KDSR: variants seen among roughly 807,000 people sequenced by gnomAD.
KDSR encodes the protein 3-dehydrosphinganine reductase.
A neutral mutation model predicts 41.3 loss-of-function variants in KDSR; 23 were observed. That is an observed-to-expected ratio of 0.56 (90% CI 0.40 to 0.79). The LOEUF is 0.79. Ranked by LOEUF, KDSR falls within the 30% of genes least tolerant of loss-of-function variation. The pLI is 0.00. For synonymous variants in KDSR, 138 were observed against 151.7 expected, an observed-to-expected ratio of 0.91 and a Z score of 0.66; for missense variants, 351 against 416.8, an observed-to-expected ratio of 0.84 and a Z score of 1.37.
At chr18:63,362,710 T>C in intron 2 of KDSR, 69 bp downstream of exon 2, 1 of 1,052,840 alleles carries the variant, frequency 9.5e-7, no homozygotes, top group South Asian at 1.3e-5. Flanking sequence ...CTAAGATGTT[T>C]AGCACAGCCT....
intron 3 of KDSR, among the ~76,000 whole-genome samples, chr18:63,357,014 C>G (rs1162001372): frequency 6.6e-6 from 1 of 152,164 alleles, no homozygotes; most frequent in African/African-American, 2.4e-5. Context: ...TAGCAGGGAC[C>G]TGACGGAATA....
chr18:63,361,061 T>A (rs1195654380), intron 2 of KDSR, among the ~76,000 whole-genome samples: 7 of 77,940 alleles, frequency 9.0e-5, no homozygotes, highest in Admixed American at 4.9e-4. Context: ...TATATATATG[T>A]AAATATATAT....
At chr18:63,338,070 C>T (rs1193265345) in intron 8 of KDSR, among the ~76,000 whole-genome samples, 4 of 152,208 alleles carry the variant, frequency 2.6e-5, no homozygotes, top group African/African-American at 9.7e-5. Flanking sequence ...AAGTTCTTCA[C>T]ACATGTATAT....
intron 7 of KDSR, among the ~76,000 whole-genome samples, chr18:63,343,724 CAATA>C (rs1437899298): frequency 1.4e-5 from 2 of 143,794 alleles, no homozygotes; most frequent in Non-Finnish European, 1.5e-5. Context: ...GGTAGAAAGT[CAATA>C]AATAATTTCT....
At chr18:63,346,426 T>C (rs1424042471) in intron 6 of KDSR, 1 of 152,288 alleles carries the variant, frequency 6.6e-6, no homozygotes, top group Non-Finnish European at 1.5e-5. Context: ...GCAGCCCACA[T>C]AAAGACTGAC....
chr18:63,357,567 CAT>C (rs1413038536), intron 3 of KDSR, among the ~76,000 whole-genome samples: 2 of 105,308 alleles, frequency 1.9e-5, no homozygotes, highest in African/African-American at 6.9e-5. Context: ...TACATACATA[CAT>C]ACATATATAT....
chr18:63,335,650 G>A (rs62098661), intron 8 of KDSR: 81,226 of 236,296 alleles, frequency 0.34, 16,847 homozygotes, highest in Non-Finnish European at 0.44. Context: ...TTTTGCCTCT[G>A]CAAAACTGCA....
intron 3 of KDSR, among the ~76,000 whole-genome samples, chr18:63,355,806 T>C (rs1914778785): frequency 6.6e-6 from 1 of 152,110 alleles, no homozygotes; most frequent in Admixed American, 6.5e-5. Context: ...CACTAATCTA[T>C]AGTGACAGAA....
At chr18:63,361,050 T>TTA (rs1346117344) in intron 2 of KDSR, among the ~76,000 whole-genome samples, 5 of 121,820 alleles carry the variant, frequency 4.1e-5, no homozygotes, top group Admixed American at 1.8e-4. Context: ...AATATATATT[T>TTA]TATATATATG....
intron 2 of KDSR, among the ~76,000 whole-genome samples, chr18:63,362,001 G>T (rs1361696531): frequency 6.6e-6 from 1 of 152,086 alleles, no homozygotes; most frequent in Admixed American, 6.5e-5. Flanking sequence ...GATCCCCATG[G>T]AAGTATGCCA....
intron 8 of KDSR, 93 bp from the exon 9 acceptor site, chr18:63,335,451 C>G: frequency 1.2e-6 from 1 of 842,810 alleles, no homozygotes; most frequent in East Asian, 2.5e-5. Flanking sequence ...TGTGCTCGTT[C>G]ACTTTAAGTG....
chr18:63,353,623 G>A (rs1255276803), intron 5 of KDSR, among the ~76,000 whole-genome samples: 1 of 152,102 alleles, frequency 6.6e-6, no homozygotes, highest in African/African-American at 2.4e-5. Context: ...GAATGTGGTC[G>A]ATCCATACAA....
chr18:63,331,833 A>T lies in KDSR; in HGVS notation c.948T>A (p.Arg316=), dbSNP rs138791943. The change falls in exon 10 of 10, where the codon CGT becomes CGA. Residue 316 remains arginine (R), a synonymous_variant. Coordinates refer to ENST00000645214, the MANE Select transcript of KDSR (RefSeq NM_002035.4). ...ATTTTTCTCTCTGCATCATGCAGCG[A>T]CGAACTATGCTGTCAAAACTTCCAA... ...FYLGSFDSIV[R]RCMMQREKSE... The T allele has an allele frequency of 6.2e-7, 1 of 1,613,944 alleles. No individual in the cohort carries two copies. The highest frequency in any genetic ancestry group is 1.3e-5 in the African/African-American group (1 of 74,918).
chr18:63,367,163 C>T lies in KDSR; in HGVS notation c.-45G>A, dbSNP rs1599344421. 9.5e-7 allele frequency: 1 copy of T among 1,054,380 alleles called. No individual in the cohort carries two copies. The allele number at this position is 1,054,380 out of a possible 1,614,324, so 65.3% of individuals were successfully genotyped here. The stretch of plus-strand genomic sequence containing the variant: ...CCCGGAGCGGCCGGGCGGGGGCCGC[C>T]GGGCAAGGCGCGCAGGGCTGGGCTG... On this transcript the variant is annotated 5_prime_UTR_variant, in exon 1 of 10. Transcript: ENST00000645214.
intron 5 of KDSR, 30 bp from the exon 6 acceptor site, chr18:63,351,109 CA>C (rs746885045): frequency 6.4e-7 from 1 of 1,566,516 alleles, no homozygotes; most frequent in Admixed American, 1.8e-5. Context: ...CACATGAGGT[CA>C]AAAGCCTCAA....
intron 3 of KDSR, among the ~76,000 whole-genome samples, chr18:63,357,588 A>ATTTTTTTTT (rs1162409539): frequency 1.6e-5 from 1 of 62,970 alleles, no homozygotes; most frequent in Non-Finnish European, 3.2e-5. Flanking sequence ...ATATATATAT[A>ATTTTTTTTT]TATATATTTT....
chr18:63,351,027 A>G lies in KDSR; in HGVS notation c.470T>C (p.Ile157Thr), dbSNP rs546316503. 6.2e-7 allele frequency: 1 copy of G among 1,614,212 alleles called. No homozygotes were observed. The highest frequency in any genetic ancestry group is 8.5e-7 in the Non-Finnish European group (1 of 1,180,030). ...LGSVYPSRAVITTMKERRVGR... is the reference protein window; with the variant it reads ...LGSVYPSRAVTTTMKERRVGR... ...CACCCGGCGCTCCTTCATGGTGGTG[A>G]TCACGGCCCGGCTGGGGTACACGCT... is the stretch of plus-strand genomic sequence containing the variant. The change falls in exon 6 of 10, where the codon ATC becomes ACC. Residue 157 changes from isoleucine to threonine, a missense_variant. Physicochemically the swap from Ile to Thr is moderately conservative, Grantham distance 89. Coordinates refer to ENST00000645214, the MANE Select transcript of KDSR (RefSeq NM_002035.4).
intron 5 of KDSR, among the ~76,000 whole-genome samples, chr18:63,353,012 C>CA (rs56105152): frequency 3.3e-4 from 38 of 116,186 alleles, no homozygotes; most frequent in East Asian, 5.0e-4. Flanking sequence ...ACTAAAAATA[C>CA]AAAAAAAAAA....
At chr18:63,340,937 C>A (rs539501670) in intron 7 of KDSR, among the ~76,000 whole-genome samples, 1 of 152,326 alleles carries the variant, frequency 6.6e-6, no homozygotes, top group South Asian at 2.1e-4. Context: ...AAGTCTTACT[C>A]TCCCAAAGGC....
Sources: gnomAD v4.1 joint callset for allele counts (sites outside exome capture counted in the v4.1 genomes callset) on GRCh38, gnomAD v4.1.1 for gene constraint, MANE v1.5 for transcripts, NCBI Gene and HGNC (gene_info 2026-07-23, HGNC 2026-07-21) for gene names.